GALNTL6: variants seen among roughly 807,000 people sequenced by gnomAD.
GALNTL6 encodes the protein polypeptide N-acetylgalactosaminyltransferase-like 6.
GALNTL6 carries 46 observed loss-of-function variants against 73.7 expected under a neutral mutation model. The ratio of observed to expected loss-of-function variants is 0.62; its 90% CI spans 0.49 to 0.80. The LOEUF is 0.80. Among genes scored for constraint, GALNTL6 ranks in the 30% least tolerant of loss-of-function variants. The probability of loss-of-function intolerance (pLI) is 0.00; values close to 1 mark genes in which losing one functional copy is unlikely to be tolerated. For missense variants in GALNTL6, 604 were observed against 755.0 expected (o/e 0.80, Z 2.34); for synonymous variants, 259 against 263.7 (o/e 0.98, Z 0.17).
At chr4:172,093,430 T>C (rs1732262986) in intron 2 of GALNTL6, among the ~76,000 whole-genome samples, 1 of 152,184 alleles carries the variant, frequency 6.6e-6, no homozygotes, top group South Asian at 2.1e-4. Context: ...GTATAACATT[T>C]TACTTTTCTC....
intron 7 of GALNTL6, among the ~76,000 whole-genome samples, chr4:172,830,972 C>A (rs192296854): frequency 1.7e-4 from 26 of 151,812 alleles, no homozygotes; most frequent in South Asian, 6.3e-4. Context: ...CCAGCCTGAC[C>A]GACATGGTGA....
At chr4:172,927,329 T>C (rs1748109572) in intron 8 of GALNTL6, among the ~76,000 whole-genome samples, 1 of 152,192 alleles carries the variant, frequency 6.6e-6, no homozygotes, top group African/African-American at 2.4e-5. Flanking sequence ...GCATGGAAAT[T>C]GCTGAGTCCT....
At chr4:172,865,270 A>G (rs1389951135) in intron 7 of GALNTL6, among the ~76,000 whole-genome samples, 1 of 152,242 alleles carries the variant, frequency 6.6e-6, no homozygotes, top group Non-Finnish European at 1.5e-5. Flanking sequence ...AAAAATGCCA[A>G]CACTGCACTA....
intron 2 of GALNTL6, among the ~76,000 whole-genome samples, chr4:171,950,067 G>T (rs1373639166): frequency 6.6e-6 from 1 of 152,134 alleles, no homozygotes; most frequent in Admixed American, 6.6e-5. Flanking sequence ...GAGAAAATAG[G>T]TATTCTTTGC....
chr4:173,025,165 C>T (rs566725212), intron 12 of GALNTL6, among the ~76,000 whole-genome samples: 4 of 152,288 alleles, frequency 2.6e-5, no homozygotes, highest in African/African-American at 9.6e-5. Context: ...CATCCTTATT[C>T]TATGATGCTG....
intron 5 of GALNTL6, among the ~76,000 whole-genome samples, chr4:172,650,839 A>T (rs1395299098): frequency 1.3e-5 from 2 of 152,216 alleles, no homozygotes; most frequent in Non-Finnish European, 2.9e-5. Context: ...ATAAGTTTTG[A>T]TAATGTCTAA....
intron 2 of GALNTL6, among the ~76,000 whole-genome samples, chr4:172,141,396 A>C (rs1733793834): frequency 6.6e-6 from 1 of 152,190 alleles, no homozygotes; most frequent in Non-Finnish European, 1.5e-5. Context: ...TGTGATATAC[A>C]TTCTGTGCCC....
chr4:172,200,437 A>G (rs1437839673), intron 2 of GALNTL6, among the ~76,000 whole-genome samples: 1 of 152,154 alleles, frequency 6.6e-6, no homozygotes, highest in Non-Finnish European at 1.5e-5. Context: ...GTTTGGGACT[A>G]ATTATTTCCA....
intron 2 of GALNTL6, among the ~76,000 whole-genome samples, chr4:171,826,900 C>T (rs1291738564): frequency 1.3e-5 from 2 of 152,030 alleles, no homozygotes; most frequent in African/African-American, 2.4e-5. Flanking sequence ...CCAACCAACA[C>T]CCATACCACG....
At chr4:172,668,534 A>G (rs1731794760) in intron 5 of GALNTL6, 1 of 152,178 alleles carries the variant, frequency 6.6e-6, no homozygotes, top group Non-Finnish European at 1.5e-5. Flanking sequence ...TAATTATTAT[A>G]AGGAGATATT....
chr4:172,589,546 C>A (rs1001528628), intron 5 of GALNTL6, among the ~76,000 whole-genome samples: 1 of 152,144 alleles, frequency 6.6e-6, no homozygotes, highest in Admixed American at 6.6e-5. Context: ...GAGCTAGCCA[C>A]CAATTGATCT....
At chr4:171,897,793 T>G (rs1032183913) in intron 2 of GALNTL6, among the ~76,000 whole-genome samples, 2 of 150,518 alleles carry the variant, frequency 1.3e-5, no homozygotes, top group Non-Finnish European at 3.0e-5. Context: ...CCAGACATAG[T>G]GGCAGGCGCC....
intron 12 of GALNTL6, among the ~76,000 whole-genome samples, chr4:173,026,690 C>T (rs1753247647): frequency 6.6e-6 from 1 of 152,180 alleles, no homozygotes; most frequent in Non-Finnish European, 1.5e-5. Context: ...GTCTTTTGCC[C>T]ATTTTCAAAA....
At chr4:172,659,680 A>G (rs912359904) in intron 5 of GALNTL6, among the ~76,000 whole-genome samples, 1 of 152,208 alleles carries the variant, frequency 6.6e-6, no homozygotes, top group African/African-American at 2.4e-5. Flanking sequence ...GCACTAATCT[A>G]AGATGTTGCT....
chr4:172,737,237 A>G (rs1336667947), intron 5 of GALNTL6, among the ~76,000 whole-genome samples: 2 of 152,174 alleles, frequency 1.3e-5, no homozygotes, highest in African/African-American at 4.8e-5. Flanking sequence ...CTTGAATGGC[A>G]ATAATTCTTA....
chr4:172,073,046 A>G (rs1305984672), intron 2 of GALNTL6, among the ~76,000 whole-genome samples: 4 of 152,272 alleles, frequency 2.6e-5, no homozygotes, highest in African/African-American at 7.2e-5. Context: ...ACAATTCTTA[A>G]CATTAGACTA....
At chr4:173,011,667 G>C (rs1426893661) in intron 11 of GALNTL6, among the ~76,000 whole-genome samples, 1 of 152,106 alleles carries the variant, frequency 6.6e-6, no homozygotes, top group Non-Finnish European at 1.5e-5. Context: ...TGGTACCTTT[G>C]TCAAAAATGA....
chr4:172,022,100 T>G (rs77272429), intron 2 of GALNTL6, among the ~76,000 whole-genome samples: 129 of 152,064 alleles, frequency 8.5e-4, no homozygotes, highest in African/African-American at 2.8e-3. Context: ...CACATCAAGT[T>G]AAAAAGCTTC....
At chr4:172,610,289 T>C (rs1318576824) in intron 5 of GALNTL6, among the ~76,000 whole-genome samples, 2 of 152,084 alleles carry the variant, frequency 1.3e-5, no homozygotes, top group Non-Finnish European at 2.9e-5. Flanking sequence ...GAGTGTGATG[T>C]TAGGTTGTTA....
Sources: allele counts gnomAD v4.1 joint callset (sites outside exome capture counted in the v4.1 genomes callset), GRCh38; gene constraint gnomAD v4.1.1; transcripts MANE v1.5; gene names NCBI Gene and HGNC (gene_info 2026-07-23, HGNC 2026-07-21).